The following CPED1 variants were observed in gnomAD, a reference collection of about 807,000 sequenced individuals.
CPED1 encodes the protein cadherin like and PC-esterase domain containing 1, also known as cadherin-like and PC-esterase domain-containing protein 1.
CPED1 carries 114 observed loss-of-function variants against 128.2 expected under a neutral mutation model. That is an observed-to-expected ratio of 0.89 (90% CI 0.76 to 1.04). CPED1 has a LOEUF of 1.04. CPED1 is among the 50% of genes least tolerant of loss of function. CPED1 has a pLI of 0.00. For synonymous variants in CPED1, 462 were observed against 426.7 expected (o/e 1.08, Z -1.02); for missense variants, 1,211 against 1,207.1 (o/e 1.00, Z -0.05).
intron 4 of CPED1, among the ~76,000 whole-genome samples, chr7:121,048,989 A>C (rs941010737): frequency 1.3e-5 from 1 of 79,640 alleles, no homozygotes; most frequent in Admixed American, 1.9e-4. Context: ...AATCTATCCT[A>C]CTCACAGTTT....
Position 121,092,911 on chromosome 7 carries a change from G to A in CPED1, c.617-4788G>A, listed in dbSNP as rs114301611. Among the ~76,000 whole-genome samples the A allele has an allele frequency of 1.8e-3, 271 of 152,230 alleles. 2 individuals carry two copies. Among genetic ancestry groups the A allele is most frequent in the African/African-American group, 6.4e-3 (264 of 41,536 alleles). On this transcript the variant is annotated intron_variant, in intron 5 of 22. Coordinates refer to ENST00000310396, the MANE Select transcript of CPED1 (RefSeq NM_024913.5). ...TATTTAAATCATAACTTTGTATCTAGGGTCACAGAGATTCAAGATTGCAAA... is the reference window on the plus strand; with the variant it reads ...TATTTAAATCATAACTTTGTATCTAAGGTCACAGAGATTCAAGATTGCAAA...
At chr7:121,014,561 ATAATAATAAT>A (rs1792251976) in intron 2 of CPED1, among the ~76,000 whole-genome samples, 1 of 125,682 alleles carries the variant, frequency 8.0e-6, no homozygotes, top group African/African-American at 2.7e-5. Context: ...AAAAAAAAAA[ATAATAATAAT>A]AATAATAAAA....
At chr7:121,105,601 A>C (rs1794956828) in intron 7 of CPED1, among the ~76,000 whole-genome samples, 2 of 152,114 alleles carry the variant, frequency 1.3e-5, no homozygotes, top group African/African-American at 2.4e-5. Context: ...TTAAATTTTA[A>C]AATTGCATCA....
chr7:121,040,452 T>C (rs1793020428), intron 3 of CPED1, among the ~76,000 whole-genome samples: 1 of 152,078 alleles, frequency 6.6e-6, no homozygotes. Flanking sequence ...AATTGGTTAA[T>C]GCAACTTGAG....
intron 3 of CPED1, among the ~76,000 whole-genome samples, chr7:121,046,126 A>T (rs560872068): frequency 2.2e-4 from 34 of 152,230 alleles, no homozygotes; most frequent in African/African-American, 8.2e-4. Context: ...TGTTAATTTT[A>T]AAATGTTTAG....
intron 14 of CPED1, 105 bp downstream of exon 14, chr7:121,136,195 A>T (rs577701488): frequency 2.8e-6 from 3 of 1,090,790 alleles, no homozygotes; most frequent in African/African-American, 3.3e-5. Context: ...TCTTACGCTG[A>T]TAATTGTTAA....
chr7:121,295,642 G>A lies in CPED1; in HGVS notation c.3071G>A (p.Arg1024Lys). 1.2e-6 allele frequency: 2 copies of A among 1,613,666 alleles called. No homozygotes were observed. Among genetic ancestry groups the A allele is most frequent in the Non-Finnish European group, 1.7e-6 (2 of 1,179,672 alleles). Residue 1024 changes from arginine to lysine, a missense_variant, in exon 23 of 23, where the codon AGG (arginine) becomes AAG (lysine). By Grantham distance (26) the Arg-to-Lys change is conservative. Coordinates refer to ENST00000310396, the MANE Select transcript of CPED1 (RefSeq NM_024913.5). ...ILLSRMCANK[R>K]TM is the part of the protein sequence containing the mutation. ...CTCAGCAGGATGTGTGCAAATAAAAGGACTATGTAGGCTCCCTGCAGGAGA... is the reference window on the plus strand; with the variant it reads ...CTCAGCAGGATGTGTGCAAATAAAAAGACTATGTAGGCTCCCTGCAGGAGA...
intron 16 of CPED1, among the ~76,000 whole-genome samples, chr7:121,193,958 C>A (rs1797204197): frequency 1.4e-5 from 2 of 143,554 alleles, no homozygotes; most frequent in South Asian, 4.5e-4. Context: ...CTTCATTTAT[C>A]TGTACAGTCA....
At chr7:121,211,316 G>A (rs1797635414) in intron 16 of CPED1, among the ~76,000 whole-genome samples, 2 of 152,216 alleles carry the variant, frequency 1.3e-5, no homozygotes, top group Middle Eastern at 3.4e-3. Flanking sequence ...GGGCAAGGCA[G>A]AGGGACTCAC....
chr7:120,995,402 G>A (rs1455472858), intron 2 of CPED1, among the ~76,000 whole-genome samples: 10 of 152,002 alleles, frequency 6.6e-5, no homozygotes, highest in Non-Finnish European at 1.5e-4. Context: ...GTCTCTTTTC[G>A]AGTTCATTTC....
chr7:121,004,687 T>A (rs1791959270), intron 2 of CPED1, among the ~76,000 whole-genome samples: 1 of 152,026 alleles, frequency 6.6e-6, no homozygotes, highest in Admixed American at 6.6e-5. Context: ...GAATGGAGAA[T>A]TAAAGCAAGG....
At chr7:120,995,343 T>C (rs1796379613) in intron 2 of CPED1, among the ~76,000 whole-genome samples, 1 of 152,192 alleles carries the variant, frequency 6.6e-6, no homozygotes, top group African/African-American at 2.4e-5. Flanking sequence ...TTCTTGAAAT[T>C]TCCTTTTCGA....
At chr7:121,159,598 C>T (rs1288979789) in intron 16 of CPED1, among the ~76,000 whole-genome samples, 3 of 152,126 alleles carry the variant, frequency 2.0e-5, no homozygotes, top group African/African-American at 7.2e-5. Flanking sequence ...GAGGCAATCC[C>T]AATCTTATTT....
At chr7:121,047,071 TAA>T (rs938573297) in intron 4 of CPED1, 78 bp downstream of exon 4, 8 of 877,328 alleles carry the variant, frequency 9.1e-6, no homozygotes, top group Admixed American at 2.1e-5. Context: ...CTATAATGTT[TAA>T]GAGTCTTAAA....
chr7:121,173,949 A>G (rs1293024247), intron 16 of CPED1, among the ~76,000 whole-genome samples: 1 of 152,080 alleles, frequency 6.6e-6, no homozygotes, highest in Non-Finnish European at 1.5e-5. Flanking sequence ...ATAGTATCTC[A>G]TTGTGGTTTT....
intron 16 of CPED1, among the ~76,000 whole-genome samples, chr7:121,152,183 T>C (rs773706943): frequency 6.6e-6 from 1 of 152,156 alleles, no homozygotes; most frequent in African/African-American, 2.4e-5. Flanking sequence ...ACCTCATTCT[T>C]TAGCAATGTG....
rs1158501527 is a variant in CPED1 at position 121,271,455 on chromosome 7, T to C, written c.2868+25T>C. On this transcript the variant is annotated intron_variant, in intron 22 of 22. Coordinates refer to ENST00000310396, the MANE Select transcript of CPED1 (RefSeq NM_024913.5). ...GGTATTTATGCTGGCTATCTGAGTTTTATAGCTTTTGATCTTTTAAAATTG... is the reference window on the plus strand; with the variant it reads ...GGTATTTATGCTGGCTATCTGAGTTCTATAGCTTTTGATCTTTTAAAATTG... 2.5e-6 allele frequency: 4 copies of C among 1,601,086 alleles called. No individual in the cohort carries two copies. In the South Asian group the frequency reaches 4.5e-5, roughly 18 times the overall value.
At chr7:121,280,365 G>T (rs1792437163) in intron 22 of CPED1, among the ~76,000 whole-genome samples, 1 of 152,112 alleles carries the variant, frequency 6.6e-6, no homozygotes, top group Non-Finnish European at 1.5e-5. Context: ...GTAAACTTCT[G>T]GTCTGGAGCT....
chr7:121,134,226 C>T (rs1450915152), intron 13 of CPED1, among the ~76,000 whole-genome samples: 4 of 152,004 alleles, frequency 2.6e-5, no homozygotes, highest in Non-Finnish European at 5.9e-5. Flanking sequence ...GGTGTATGTA[C>T]ACAATGGAAT....
Sources: allele counts gnomAD v4.1 joint callset (sites outside exome capture counted in the v4.1 genomes callset), GRCh38; gene constraint gnomAD v4.1.1; transcripts MANE v1.5; gene names NCBI Gene and HGNC (gene_info 2026-07-23, HGNC 2026-07-21).